Variants in FASTKD1 observed in about 807,000 individuals in gnomAD.
FASTKD1 encodes the protein FAST kinase domains 1.
Under a neutral mutation model 90.9 loss-of-function variants are expected in FASTKD1, and 94 were observed. The ratio of observed to expected loss-of-function variants is 1.03; its 90% CI spans 0.88 to 1.23. The LOEUF is 1.23. Ranked by LOEUF, FASTKD1 falls within the 50% of genes most tolerant of loss-of-function variation. The probability of loss-of-function intolerance (pLI) is 0.00; values close to 1 mark genes in which losing one functional copy is unlikely to be tolerated. For synonymous variants in FASTKD1, 319 were observed against 345.8 expected, an observed-to-expected ratio of 0.92 and a Z score of 0.86; for missense variants, 945 against 993.5, an observed-to-expected ratio of 0.95 and a Z score of 0.66.
At chr2:169,554,991 T>G (rs1683228880) in intron 7 of FASTKD1, 133 bp downstream of exon 7, 10 of 765,208 alleles carry the variant, frequency 1.3e-5, no homozygotes. Flanking sequence ...AGGGAGATAG[T>G]GTCTTAACAT....
chr2:169,573,156 A>G (rs1684305295), intron 1 of FASTKD1: 1 of 151,648 alleles, frequency 6.6e-6, no homozygotes, highest in Non-Finnish European at 1.5e-5. Context: ...CACTAAATTC[A>G]TGTCTCAGAC....
chr2:169,569,711 C>T (rs567781461), intron 2 of FASTKD1, among the ~76,000 whole-genome samples: 15 of 152,086 alleles, frequency 9.9e-5, no homozygotes, highest in East Asian at 1.9e-4. Context: ...ATTAGCTGGG[C>T]GTGGTGGCAT....
At chr2:169,531,060 T>C in intron 13 of FASTKD1, 1 of 682,804 alleles carries the variant, frequency 1.5e-6, no homozygotes, top group East Asian at 3.0e-5. Flanking sequence ...AGGAAGTGGC[T>C]AAGTGCTATG....
intron 9 of FASTKD1, 121 bp downstream of exon 9, chr2:169,544,600 T>C (rs1285038767): frequency 9.1e-6 from 6 of 658,120 alleles, no homozygotes; most frequent in East Asian, 2.9e-5. Context: ...AAAAACCTTT[T>C]TTTAGGTAGA....
Position 169,544,827 on chromosome 2 carries a change from A to G in FASTKD1, c.1710T>C (p.Pro570=). The change falls in exon 9 of 15, where the codon CCT becomes CCC. Residue 570 remains proline (P), a synonymous_variant. Transcript: ENST00000453153. ...GACGAATAATAGCAGGGATTGTAAA[A>G]GGATGGATCTGTATAAAAAGAACAA... The part of the protein sequence containing the change: ...VAVQQIEKIH[P]FTIPAIIRPF... The G allele has an allele frequency of 6.3e-7, 1 of 1,593,308 alleles. No individual in the cohort carries two copies. The highest frequency in any genetic ancestry group is 8.6e-7 in the Non-Finnish European group (1 of 1,162,582).
intron 7 of FASTKD1, among the ~76,000 whole-genome samples, chr2:169,548,163 T>G (rs1047114691): frequency 6.6e-6 from 1 of 151,804 alleles, no homozygotes; most frequent in Admixed American, 6.6e-5. Context: ...AAACAAAAGG[T>G]CCATGTCAGA....
intron 3 of FASTKD1, 92 bp downstream of exon 3, chr2:169,569,092 G>C: frequency 2.1e-6 from 2 of 972,506 alleles, no homozygotes; most frequent in Non-Finnish European, 3.2e-6. Flanking sequence ...AGCTTGACAG[G>C]CATCAGTTCC....
At position 169,531,763 on chromosome 2, in the gene FASTKD1, A is replaced by T. The variant is rs560472001; in HGVS notation, c.2189-273T>A. 17 of 294,296 alleles carry T rather than the reference A, an allele frequency of 5.8e-5. No homozygotes were observed. In the East Asian group the frequency reaches 8.6e-4, roughly 15 times the overall value. The allele number at this position is 294,296 out of a possible 1,614,324, so 18.2% of individuals were successfully genotyped here. A position where few individuals can be genotyped will look rare whatever the true frequency, so the allele number is the denominator to read the frequency against. ...TTAGCGCTGGGCTAGGCCAAATCAC[A>T]TTAAAGAGTTTCAATCTCTTTAAGG... is the stretch of plus-strand genomic sequence containing the variant. On this transcript the variant is annotated intron_variant, in intron 12 of 14. Transcript: ENST00000453153.
intron 7 of FASTKD1, among the ~76,000 whole-genome samples, chr2:169,552,794 A>T (rs956371227): frequency 1.4e-4 from 22 of 152,232 alleles, no homozygotes; most frequent in African/African-American, 4.8e-4. Context: ...CACATTAGGT[A>T]CTAAGTACAT....
intron 12 of FASTKD1, among the ~76,000 whole-genome samples, chr2:169,534,295 C>T (rs965554010): frequency 6.6e-6 from 1 of 151,272 alleles, no homozygotes; most frequent in Non-Finnish European, 1.5e-5. Context: ...AAAGAGCATC[C>T]TCTGTTGCCT....
At chr2:169,560,077 G>C (rs989897505) in intron 5 of FASTKD1, among the ~76,000 whole-genome samples, 1 of 152,108 alleles carries the variant, frequency 6.6e-6, no homozygotes, top group Non-Finnish European at 1.5e-5. Flanking sequence ...GGGTGGGGGA[G>C]TCTTATATGT....
At chr2:169,567,681 T>C (rs1407682533) in intron 3 of FASTKD1, among the ~76,000 whole-genome samples, 1 of 152,176 alleles carries the variant, frequency 6.6e-6, no homozygotes, top group Non-Finnish European at 1.5e-5. Flanking sequence ...ATCAGAATGG[T>C]CGCTCCTCTC....
chr2:169,547,670 G>A (rs1255208273), intron 7 of FASTKD1, among the ~76,000 whole-genome samples: 1 of 151,900 alleles, frequency 6.6e-6, no homozygotes, highest in East Asian at 1.9e-4. Flanking sequence ...CCAAGGACAG[G>A]GGTTCGAGAC....
At chr2:169,562,041 TGTAA>T (rs1229915153) in intron 4 of FASTKD1, among the ~76,000 whole-genome samples, 1 of 120,252 alleles carries the variant, frequency 8.3e-6, no homozygotes, top group Admixed American at 9.3e-5. Context: ...ATTAATTTAT[TGTAA>T]ATTAATTATT....
intron 11 of FASTKD1, among the ~76,000 whole-genome samples, chr2:169,537,790 A>G (rs1396106684): frequency 6.6e-6 from 1 of 152,212 alleles, no homozygotes; most frequent in East Asian, 1.9e-4. Flanking sequence ...AATGACACTA[A>G]ATTCAATACA....
In FASTKD1 at chr2:169,560,454, G is replaced by T; in HGVS notation, c.904C>A (p.His302Asn). 6.3e-7 allele frequency: 1 copy of T among 1,591,110 alleles called. No homozygotes were observed. The highest frequency in any genetic ancestry group is 1.2e-5 in the South Asian group (1 of 85,984). The change falls in exon 5 of 15, where the codon CAT (histidine) becomes AAT (asparagine). Residue 302 changes from histidine to asparagine, a missense_variant. Physicochemically the swap from His to Asn is moderately conservative, Grantham distance 68. Transcript: ENST00000453153. ...KLTEMIPLCN[H>N]PASFVKLFVA... ...AACAATTTTACAAAGCTAGCAGGAT[G>T]ATTACACAGAGGAATCATTTCAGTT...
intron 1 of FASTKD1, among the ~76,000 whole-genome samples, chr2:169,572,623 T>G (rs1238608548): frequency 6.6e-6 from 1 of 152,026 alleles, no homozygotes; most frequent in East Asian, 1.9e-4. Flanking sequence ...TTGCCCCTTT[T>G]TCTTGTGCCC....
intron 5 of FASTKD1, chr2:169,560,144 AT>A (rs1038802737): frequency 2.0e-4 from 53 of 260,404 alleles, no homozygotes; most frequent in East Asian, 2.8e-4. Flanking sequence ...GTTTCCCCTC[AT>A]TTTTTTTCAT....
At chr2:169,556,956 G>C (rs1683345913) in intron 6 of FASTKD1, among the ~76,000 whole-genome samples, 2 of 151,928 alleles carry the variant, frequency 1.3e-5, no homozygotes, top group South Asian at 4.2e-4. Context: ...GCAGTAAGCA[G>C]AGATAGTGCC....
Sources: gnomAD v4.1 joint callset for allele counts (sites outside exome capture counted in the v4.1 genomes callset) on GRCh38, gnomAD v4.1.1 for gene constraint, MANE v1.5 for transcripts, NCBI Gene and HGNC (gene_info 2026-07-23, HGNC 2026-07-21) for gene names.